Variants in DCHS1 observed in about 807,000 individuals in gnomAD.
DCHS1 encodes the protein dachsous cadherin-related 1.
DCHS1 carries 78 observed loss-of-function variants against 213.9 expected under a neutral mutation model. That is an observed-to-expected ratio of 0.36 (90% CI 0.30 to 0.44). The LOEUF is 0.44. DCHS1 is among the 20% of genes least tolerant of loss of function. The pLI is 1.00. For missense variants in DCHS1, 3,946 were observed against 4,395.9 expected (o/e 0.90, Z 2.89); for synonymous variants, 1,828 against 1,873.7 (o/e 0.98, Z 0.63).
chr11:6,647,897 T>C lies in DCHS1; in HGVS notation c.-120-6164A>G, dbSNP rs182545698. ...AATGAGGCCTCTGGGAGAGTCCAGG[T>C]TAGCAGCGGTGAGGCTGAGGATACA... is the stretch of plus-strand genomic sequence containing the variant. On this transcript the variant is annotated intron_variant, in intron 1 of 20. Transcript: ENST00000299441. 3.9e-5 allele frequency among the ~76,000 whole-genome samples: 6 copies of C among 152,210 alleles called. 1 individual carries two copies. Among genetic ancestry groups the C allele is most frequent in the Admixed American group, 3.9e-4 (6 of 15,288 alleles).
chr11:6,640,310 C>T lies in DCHS1; in HGVS notation c.1304G>A (p.Arg435Lys). The change falls in exon 2 of 21, where the codon AGG becomes AAG. Residue 435 changes from arginine (R) to lysine (K), a missense_variant. Transcript: ENST00000299441. This position sits in a 1 kb window ranked among gnomAD's most constrained non-coding sequence, Gnocchi z 6.5. ...TGTAACCCTCAAGTTATAGGCATCC[C>T]TCTCCTCTCGATCCAGCCGCCGAGC... ...CVARRLDREE[R>K]DAYNLRVTAT... 6.2e-7 allele frequency: 1 copy of T among 1,607,750 alleles called. No homozygotes were observed. Among genetic ancestry groups the T allele is most frequent in the Non-Finnish European group, 8.5e-7 (1 of 1,177,244 alleles).
rs990614504 is a variant in DCHS1 at position 6,625,753 on chromosome 11, T to C, written c.6732-26A>G. 1 of 1,598,316 alleles carries C rather than the reference T, an allele frequency of 6.3e-7. No individual in the cohort carries two copies. Among genetic ancestry groups the C allele is most frequent in the African/African-American group, 1.3e-5 (1 of 74,102 alleles). Reference sequence around the variant, plus strand: ...CTGGACACAAAGCACAATCATCGGGTGGGACATGGCAATAAGGGGGAACTC... The same window carrying C: ...CTGGACACAAAGCACAATCATCGGGCGGGACATGGCAATAAGGGGGAACTC... On this transcript the variant is annotated intron_variant, in intron 17 of 20. Coordinates refer to ENST00000299441, the MANE Select transcript of DCHS1 (RefSeq NM_003737.4). This position sits in a 1 kb window ranked among gnomAD's most constrained non-coding sequence, Gnocchi z 5.3.
At position 6,625,117 on chromosome 11, in the gene DCHS1, T is replaced by G. The variant is rs1431754417; in HGVS notation, c.7146+81A>C. On this transcript the variant is annotated intron_variant, in intron 19 of 20. Coordinates refer to ENST00000299441, the MANE Select transcript of DCHS1 (RefSeq NM_003737.4). The surrounding 1 kb of genome is among the most constrained non-coding windows in gnomAD (Gnocchi z 5.3). ...GATCAGCTCCAACGTCCAGCCCACC[T>G]CAGCAGCTGCTAGCTCTGATACTTC... The G allele has an allele frequency of 6.6e-7, 1 of 1,516,310 alleles. No homozygotes were observed. The highest frequency in any genetic ancestry group is 8.8e-7 in the Non-Finnish European group (1 of 1,130,468). 93.9% of individuals were successfully genotyped at this position (1,516,310 alleles called of 1,614,324 possible). A position where few individuals can be genotyped will look rare whatever the true frequency, so the allele number is the denominator to read the frequency against.
chr11:6,635,055 AG>A (rs577073344), intron 2 of DCHS1: 27 of 152,372 alleles, frequency 1.8e-4, no homozygotes, highest in Middle Eastern at 6.8e-3. Flanking sequence ...AGGTGGGTCC[AG>A]GAAGTTAATA....
At chr11:6,635,316 G>A (rs1410002082) in intron 2 of DCHS1, 1 of 152,084 alleles carries the variant, frequency 6.6e-6, no homozygotes, top group Non-Finnish European at 1.5e-5. Flanking sequence ...GTAAATCGAC[G>A]GTCTGATCAT....
Position 6,630,687 on chromosome 11 carries a change from C to A in DCHS1, c.4107G>T (p.Leu1369=). 1 of 1,539,334 alleles carries A rather than the reference C, an allele frequency of 6.5e-7. No homozygotes were observed. Among genetic ancestry groups the A allele is most frequent in the East Asian group, 2.4e-5 (1 of 40,980 alleles). Residue 1369 remains leucine (L), a synonymous_variant, in exon 10 of 21, where the codon CTG becomes CTT. Transcript: ENST00000299441. ...PAGVGALTYT[L]VGGADPEGTF... is the part of the protein sequence containing the mutation. ...TGCCCTCGGGATCGGCACCGCCCAC[C>A]AGTGTGTAGGTGAGTGCACCCACAC...
rs142939799 is a variant in DCHS1, at chr11:6,652,374, T to C, written c.-121+3189A>G. On this transcript the variant is annotated intron_variant, in intron 1 of 20. Transcript: ENST00000299441. ...GTTACATTTGAGGGGCAGGCACAAA[T>C]GGGAAGTGAGGAAGTAGGAACAGCT... 2.8e-3 allele frequency among the ~76,000 whole-genome samples: 428 copies of C among 152,136 alleles called. 1 individual carries two copies. Among genetic ancestry groups the C allele is most frequent in the Non-Finnish European group, 4.6e-3 (314 of 67,998 alleles).
rs141488333 is a variant in DCHS1, at chr11:6,626,323, C to G, written c.6422G>C (p.Arg2141Pro). The G allele has an allele frequency of 4.3e-6, 7 of 1,613,462 alleles. No homozygotes were observed. The highest frequency in any genetic ancestry group is 5.9e-6 in the Non-Finnish European group (7 of 1,179,720). ...TCCACTCTCTGCCTGCAGCACCAGT[C>G]GCAGCCGTGGACTCACCTCGAAGTC... Reference protein sequence around the residue: ...GLDFEVSPRLRLVLQAESGGA... With the variant: ...GLDFEVSPRLPLVLQAESGGA... Residue 2141 changes from arginine to proline, a missense_variant, in exon 16 of 21, where the codon CGA (arginine) becomes CCA (proline). Transcript: ENST00000299441. This position sits in a 1 kb window ranked among gnomAD's most constrained non-coding sequence, Gnocchi z 5.2.
At chr11:6,650,161 G>C (rs1856223154) in intron 1 of DCHS1, among the ~76,000 whole-genome samples, 1 of 152,170 alleles carries the variant, frequency 6.6e-6, no homozygotes, top group Non-Finnish European at 1.5e-5. Flanking sequence ...ATCCATATAA[G>C]AGGTGTGTTC....
Position 6,623,277 on chromosome 11 carries a change from G to A in DCHS1, c.8399C>T (p.Ser2800Leu), listed in dbSNP as rs748609148. 6.6e-5 allele frequency: 105 copies of A among 1,588,324 alleles called. No individual in the cohort carries two copies. The highest frequency in any genetic ancestry group is 1.7e-4 in the Middle Eastern group (1 of 6,056). ...CTCATCCTCTCCAGTCACTAGCACC[G>A]ACACAGTGACAGAGGCTGAGAGATT... ...AGNLSASVTV[S>L]VLVTGEDEYD... The change falls in exon 21 of 21, where the codon TCG becomes TTG. Residue 2800 changes from serine (S) to leucine (L), a missense_variant. Physicochemically the swap from Ser to Leu is moderately radical, Grantham distance 145. This residue lies in a region of DCHS1 where 3,384 missense variants were observed against 3,780.1 expected (regional missense o/e 0.90). Coordinates refer to ENST00000299441, the MANE Select transcript of DCHS1 (RefSeq NM_003737.4).
Position 6,640,779 on chromosome 11 carries a change from C to T in DCHS1, c.835G>A (p.Ala279Thr), listed in dbSNP as rs1425928068. 8.1e-6 allele frequency: 13 copies of T among 1,613,884 alleles called. No homozygotes were observed. Among genetic ancestry groups the T allele is most frequent in the Non-Finnish European group, 1.0e-5 (12 of 1,179,904 alleles). Residue 279 changes from alanine (A) to threonine (T), a missense_variant, in exon 2 of 21, where the codon GCA becomes ACA. Around this residue, in one of 3 missense-constraint regions of DCHS1, gnomAD observed 3,384 missense variants for 3,780.1 expected, o/e 0.90. Transcript: ENST00000299441. The surrounding 1 kb of genome is among the most constrained non-coding windows in gnomAD (Gnocchi z 6.5). ...APGSPVLQVF[A>T]SDADAGVNGA... Reference sequence around the variant, plus strand: ...TTGACACCAGCATCGGCATCAGATGCGAACACCTGCAAGACAGGACTGCCA... The same window carrying T: ...TTGACACCAGCATCGGCATCAGATGTGAACACCTGCAAGACAGGACTGCCA...
chr11:6,629,425 G>C (rs188539710), intron 12 of DCHS1, 27 bp downstream of exon 12: 2 of 1,611,368 alleles, frequency 1.2e-6, no homozygotes, highest in Non-Finnish European at 1.7e-6. Context: ...ACCTCACTCA[G>C]GCTCTTGGGG....
Position 6,628,575 on chromosome 11 carries a change from C to T in DCHS1, c.5371+46G>A. ...GACAGCAGCCAAGAAGGAGCAAGAACCAGGCAAGTGGGTGCTGAATTAAGT... is the reference window on the plus strand; with the variant it reads ...GACAGCAGCCAAGAAGGAGCAAGAATCAGGCAAGTGGGTGCTGAATTAAGT... On this transcript the variant is annotated intron_variant, in intron 13 of 20. Coordinates refer to ENST00000299441, the MANE Select transcript of DCHS1 (RefSeq NM_003737.4). This position sits in a 1 kb window ranked among gnomAD's most constrained non-coding sequence, Gnocchi z 4.3. 1 of 1,606,924 alleles carries T rather than the reference C, an allele frequency of 6.2e-7. No individual in the cohort carries two copies. Among genetic ancestry groups the T allele is most frequent in the Non-Finnish European group, 8.5e-7 (1 of 1,174,610 alleles).
intron 3 of DCHS1, 42 bp downstream of exon 3, chr11:6,634,076 C>T (rs1399160517): frequency 1.2e-6 from 2 of 1,600,158 alleles, no homozygotes; most frequent in East Asian, 2.2e-5. Context: ...TGGTGAGTGC[C>T]CTACCCCAAC....
chr11:6,623,503 C>T lies in DCHS1; in HGVS notation c.8173G>A (p.Val2725Met), dbSNP rs1564859204. 17 of 1,597,966 alleles carry T rather than the reference C, an allele frequency of 1.1e-5. No homozygotes were observed. Among genetic ancestry groups the T allele is most frequent in the Non-Finnish European group, 1.2e-5 (14 of 1,172,370 alleles). Residue 2725 changes from valine (V) to methionine (M), a missense_variant, in exon 21 of 21, where the codon GTG (valine) becomes ATG (methionine). Transcript: ENST00000299441. ...CCGTCGATTGCATGCAGAGTGGTCA[C>T]GAGAGTGCCTGGAGGCTGATTCTCG... ...VAENQPPGTLVTTLHAIDGDA... is the reference protein window; with the variant it reads ...VAENQPPGTLMTTLHAIDGDA...
intron 1 of DCHS1, among the ~76,000 whole-genome samples, chr11:6,651,744 G>T (rs187210734): frequency 2.6e-5 from 4 of 152,310 alleles, no homozygotes; most frequent in Non-Finnish European, 4.4e-5. Context: ...CGTTCCAAGG[G>T]ATTTCTGGAT....
Position 6,632,071 on chromosome 11 carries a change from C to T in DCHS1, c.3441G>A (p.Leu1147=). 6.5e-7 allele frequency: 1 copy of T among 1,530,698 alleles called. No homozygotes were observed. 94.8% of individuals were successfully genotyped at this position (1,530,698 alleles called of 1,614,324 possible). ...TGCGGAAGGCCTTGCTGTCTTCAGA[C>T]AGCTGTTGCAGGCTGTAGGTCAGAC... The part of the protein sequence containing the change: ...NGRLTYSLQQ[L]SEDSKAFRIH... The change falls in exon 6 of 21, where the codon CTG becomes CTA. Residue 1147 remains leucine (L), a synonymous_variant. Transcript: ENST00000299441. This position sits in a 1 kb window ranked among gnomAD's most constrained non-coding sequence, Gnocchi z 5.9.
At chr11:6,638,026 C>T (rs1436471930) in intron 2 of DCHS1, among the ~76,000 whole-genome samples, 1 of 152,164 alleles carries the variant, frequency 6.6e-6, no homozygotes, top group East Asian at 1.9e-4. Context: ...CCTCTTGCTT[C>T]AGGCACTAGT....
In DCHS1 at chr11:6,626,854, G is replaced by C; in HGVS notation, c.6185C>G (p.Ala2062Gly). 1.4e-5 allele frequency: 22 copies of C among 1,613,426 alleles called. No individual in the cohort carries two copies. The highest frequency in any genetic ancestry group is 1.8e-5 in the Non-Finnish European group (21 of 1,179,860). ...CCGGGGAAAGCGGGGTCCACGCTCA[G>C]CTTCCCCCTGCAGTCCAACAATGAT... ...GVIIVGLQGEAERGPRFPRAS... is the reference protein window; with the variant it reads ...GVIIVGLQGEGERGPRFPRAS... Residue 2062 changes from alanine to glycine, a missense_variant, in exon 14 of 21, where the codon GCT becomes GGT. This residue lies in a region of DCHS1 where 3,384 missense variants were observed against 3,780.1 expected (regional missense o/e 0.90). Coordinates refer to ENST00000299441, the MANE Select transcript of DCHS1 (RefSeq NM_003737.4). The surrounding 1 kb of genome is among the most constrained non-coding windows in gnomAD (Gnocchi z 5.2).
Sources: allele counts gnomAD v4.1 joint callset (sites outside exome capture counted in the v4.1 genomes callset), GRCh38; gene constraint gnomAD v4.1.1; regional missense constraint gnomAD v4.1.1; non-coding constraint Gnocchi (gnomAD v3.1); transcripts MANE v1.5; gene names NCBI Gene and HGNC (gene_info 2026-07-23, HGNC 2026-07-21).